The following ATP6V0E1 variants were observed in gnomAD, a reference collection of about 807,000 sequenced individuals.
ATP6V0E1 encodes V-type proton ATPase subunit e 1.
ATP6V0E1 carries 4 observed loss-of-function variants against 11.6 expected under a neutral mutation model. The ratio of observed to expected loss-of-function variants is 0.35; its 90% confidence interval spans 0.17 to 0.79. ATP6V0E1 has a LOEUF of 0.79. Ranked by LOEUF, ATP6V0E1 falls within the 30% of genes least tolerant of loss-of-function variation. The pLI, the probability that ATP6V0E1 is intolerant of heterozygous loss-of-function variation, is 0.54. For missense variants in ATP6V0E1, 105 were observed against 100.0 expected (o/e 1.05, Z -0.21); for synonymous variants, 36 against 34.8 (o/e 1.04, Z -0.13).
At chr5:172,985,043 G>A (rs919678000) in intron 1 of ATP6V0E1, among the ~76,000 whole-genome samples, 3 of 152,084 alleles carry the variant, frequency 2.0e-5, no homozygotes, top group Non-Finnish European at 2.9e-5. Flanking sequence ...TCAGGAGATC[G>A]AGACCATCCT....
intron 2 of ATP6V0E1, 67 bp from the exon 3 acceptor site, chr5:173,020,171 A>C: frequency 7.6e-7 from 1 of 1,311,032 alleles, no homozygotes; most frequent in South Asian, 1.2e-5. Context: ...TTTCCATGCT[A>C]ATTGAAAATG....
intron 2 of ATP6V0E1, among the ~76,000 whole-genome samples, chr5:173,011,961 G>A (rs1040093180): frequency 1.5e-4 from 23 of 152,032 alleles, no homozygotes; most frequent in African/African-American, 5.5e-4. Flanking sequence ...AGAGGGGCAG[G>A]CACAAAGCTC....
chr5:173,008,391 C>T (rs1465184033), intron 2 of ATP6V0E1, among the ~76,000 whole-genome samples: 1 of 149,514 alleles, frequency 6.7e-6, no homozygotes, highest in Admixed American at 6.6e-5. Flanking sequence ...CGCTCCGCCT[C>T]CTGGGTTCAA....
In ATP6V0E1 at chr5:173,023,926, G is replaced by A. The variant is rs759105720; in HGVS notation, c.*36+3559G>A. Among the ~76,000 whole-genome samples the A allele has an allele frequency of 6.6e-5, 10 of 151,968 alleles. No individual in the cohort carries two copies. In the East Asian group the frequency reaches 1.7e-3, roughly 26 times the overall value. ...AAATATAGATCATGGGGCCGGGCACGGTGGCTCACCCCTCTAATCCCAGCA... is the reference window on the plus strand; with the variant it reads ...AAATATAGATCATGGGGCCGGGCACAGTGGCTCACCCCTCTAATCCCAGCA... On this transcript the variant is annotated intron_variant, in intron 3 of 3. Coordinates refer to ENST00000519374, the MANE Select transcript of ATP6V0E1 (RefSeq NM_003945.4).
At chr5:172,987,132 G>T in intron 1 of ATP6V0E1, 1 of 214,160 alleles carries the variant, frequency 4.7e-6, no homozygotes, top group South Asian at 5.8e-5. Flanking sequence ...GAAACTGGAG[G>T]AGCTGAAAGT....
chr5:173,008,364 A>G (rs1401946108), intron 2 of ATP6V0E1, among the ~76,000 whole-genome samples: 10 of 147,372 alleles, frequency 6.8e-5, no homozygotes, highest in South Asian at 4.3e-4. Context: ...CAGTGGCTCA[A>G]TCTTGGCTCA....
chr5:173,006,650 A>G (rs553675150), intron 2 of ATP6V0E1, among the ~76,000 whole-genome samples: 2 of 152,160 alleles, frequency 1.3e-5, no homozygotes, highest in East Asian at 1.9e-4. Context: ...TCTACTCTGG[A>G]TGGGCCTTGG....
chr5:172,994,818 C>T lies in ATP6V0E1; in HGVS notation c.148C>T (p.Leu50Phe). The T allele has an allele frequency of 6.3e-7, 1 of 1,591,282 alleles. No homozygotes were observed. Among genetic ancestry groups the T allele is most frequent in the South Asian group, 1.1e-5 (1 of 87,798 alleles). ...MLVTCSVCCYLFWLIAILAQL... is the reference protein window; with the variant it reads ...MLVTCSVCCYFFWLIAILAQL... ...GGTGACCTGTTCAGTTTGCTGCTATCTCTTGTAAGTAATTTTTTCTTAAGT... is the reference window on the plus strand; with the variant it reads ...GGTGACCTGTTCAGTTTGCTGCTATTTCTTGTAAGTAATTTTTTCTTAAGT... The change falls in exon 2 of 4, where the codon CTC becomes TTC. Residue 50 changes from leucine (L) to phenylalanine (F), a missense_variant. Physicochemically the swap from Leu to Phe is conservative, Grantham distance 22. Coordinates refer to ENST00000519374, the MANE Select transcript of ATP6V0E1 (RefSeq NM_003945.4).
intron 2 of ATP6V0E1, among the ~76,000 whole-genome samples, chr5:173,019,129 A>T (rs1205066534): frequency 6.6e-6 from 1 of 152,008 alleles, no homozygotes; most frequent in African/African-American, 2.4e-5. Context: ...AATTTTTAAA[A>T]TTTTTTTATA....
At chr5:173,008,601 GTCCTTT>G (rs1264424442) in intron 2 of ATP6V0E1, among the ~76,000 whole-genome samples, 3 of 144,238 alleles carry the variant, frequency 2.1e-5, no homozygotes, top group Non-Finnish European at 4.5e-5. Context: ...GCCCAGCCGA[GTCCTTT>G]TCCTTTTAAG....
intron 1 of ATP6V0E1, among the ~76,000 whole-genome samples, chr5:172,991,136 A>G (rs150804445): frequency 6.6e-6 from 1 of 152,222 alleles, no homozygotes; most frequent in East Asian, 1.9e-4. Flanking sequence ...TTTTTCATGA[A>G]CAATTTCAAA....
At chr5:173,000,854 C>T (rs2113589466) in intron 2 of ATP6V0E1, among the ~76,000 whole-genome samples, 1 of 152,128 alleles carries the variant, frequency 6.6e-6, no homozygotes, top group Admixed American at 6.5e-5. Flanking sequence ...ATGTGCGCCA[C>T]CATGCCTGGC....
At chr5:172,995,234 G>T (rs1006100619) in intron 2 of ATP6V0E1, among the ~76,000 whole-genome samples, 6 of 152,304 alleles carry the variant, frequency 3.9e-5, no homozygotes, top group African/African-American at 1.4e-4. Flanking sequence ...TACCTAAATG[G>T]CTGGGGTTAC....
At chr5:173,011,319 A>AG (rs1207674315) in intron 2 of ATP6V0E1, among the ~76,000 whole-genome samples, 1 of 151,444 alleles carries the variant, frequency 6.6e-6, no homozygotes, top group Non-Finnish European at 1.5e-5. Flanking sequence ...CTGGGACTAT[A>AG]GGCATGTGCC....
Position 173,017,772 on chromosome 5 carries a change from T to C in ATP6V0E1, c.153-2466T>C, listed in dbSNP as rs6899138. Among the ~76,000 whole-genome samples the C allele has an allele frequency of 9.6e-3, 1,291 of 135,172 alleles. 18 individuals are homozygous for C. The highest frequency in any genetic ancestry group is 0.035 in the African/African-American group (1,231 of 35,394). 88.7% of individuals were successfully genotyped at this position (135,172 alleles called of 152,430 possible). On this transcript the variant is annotated intron_variant, in intron 2 of 3. Transcript: ENST00000519374. ...AGGAGAATTGCTTGAACCCAGGAAG[T>C]GGAGGTTGTGGTGAGCTGAGATCGT...
intron 1 of ATP6V0E1, among the ~76,000 whole-genome samples, chr5:172,989,165 TC>T (rs1413548564): frequency 6.6e-6 from 1 of 152,062 alleles, no homozygotes; most frequent in Non-Finnish European, 1.5e-5. Context: ...CAAGACCTGG[TC>T]TCTACAAAAA....
chr5:173,017,840 CAAA>C (rs538210275), intron 2 of ATP6V0E1, among the ~76,000 whole-genome samples: 1 of 66,572 alleles, frequency 1.5e-5, no homozygotes, highest in Non-Finnish European at 3.3e-5. Flanking sequence ...GACTCCTTCT[CAAA>C]AAAAAAAAAA....
chr5:173,032,381 G>A (rs923319413), intron 3 of ATP6V0E1, among the ~76,000 whole-genome samples: 1 of 151,502 alleles, frequency 6.6e-6, no homozygotes, highest in Admixed American at 6.6e-5. Context: ...TCCGCCTCCT[G>A]GGTTCAAGCC....
At chr5:173,013,237 A>G (rs1452645297) in intron 2 of ATP6V0E1, among the ~76,000 whole-genome samples, 1 of 152,148 alleles carries the variant, frequency 6.6e-6, no homozygotes, top group Middle Eastern at 3.4e-3. Flanking sequence ...AAATGGGACT[A>G]TATTAAACTA....
Sources: gnomAD v4.1 joint callset for allele counts (sites outside exome capture counted in the v4.1 genomes callset) on GRCh38, gnomAD v4.1.1 for gene constraint, MANE v1.5 for transcripts, NCBI Gene and HGNC (gene_info 2026-07-23, HGNC 2026-07-21) for gene names.